ANKFY1: variants seen among roughly 807,000 people sequenced by gnomAD.
ANKFY1 encodes the protein ankyrin repeat and FYVE domain containing 1.
Under a neutral mutation model 128.3 loss-of-function variants are expected in ANKFY1, and 47 were observed. The ratio of observed to expected loss-of-function variants is 0.37; its 90% CI spans 0.29 to 0.47. The LOEUF is 0.47. Among genes scored for constraint, ANKFY1 ranks in the 20% least tolerant of loss-of-function variants. The pLI, the probability that ANKFY1 is intolerant of heterozygous loss-of-function variation, is 1.00. For synonymous variants in ANKFY1, 553 were observed against 601.6 expected (o/e 0.92, Z 1.18); for missense variants, 1,222 against 1,510.6 (o/e 0.81, Z 3.17).
In ANKFY1 at chr17:4,169,232, C is replaced by T; in HGVS notation, c.3343G>A (p.Ala1115Thr). The T allele has an allele frequency of 6.4e-7, 1 of 1,552,980 alleles. No homozygotes were observed. Among genetic ancestry groups the T allele is most frequent in the South Asian group, 1.2e-5 (1 of 84,146 alleles). ...CDGSYCYECT[A>T]RFGVTTRKHH... ...TTGCGAGTGGTGACTCCGAACCTGG[C>T]AGTGCACTCATAGCAGTAGGAGCCG... The change falls in exon 24 of 25, where the codon GCC becomes ACC. Residue 1115 changes from alanine to threonine, a missense_variant. Coordinates refer to ENST00000341657, the MANE Select transcript of ANKFY1 (RefSeq NM_001330063.2). This position sits in a 1 kb window ranked among gnomAD's most constrained non-coding sequence, Gnocchi z 5.0.
At chr17:4,189,074 G>A (rs79969075) in intron 11 of ANKFY1, among the ~76,000 whole-genome samples, 7,815 of 152,142 alleles carry the variant, frequency 0.051, 427 homozygotes, top group African/African-American at 0.14. Flanking sequence ...AAATGCTATC[G>A]CGGTAGGTTT....
At chr17:4,198,483 T>C (rs1306267401) in intron 7 of ANKFY1, among the ~76,000 whole-genome samples, 2 of 151,958 alleles carry the variant, frequency 1.3e-5, no homozygotes, top group African/African-American at 4.8e-5. Context: ...GCAATTCTCA[T>C]GTCTCAGCCT....
chr17:4,259,191 C>T (rs1231477924), intron 1 of ANKFY1, among the ~76,000 whole-genome samples: 1 of 152,218 alleles, frequency 6.6e-6, no homozygotes, highest in Admixed American at 6.5e-5. Context: ...CTGAGACTGA[C>T]AGCAATTAAT....
intron 3 of ANKFY1, among the ~76,000 whole-genome samples, chr17:4,224,214 GTTTTTTTTTTTTTTTTTT>G (rs33995900): frequency 4.5e-5 from 3 of 66,722 alleles, no homozygotes; most frequent in East Asian, 1.1e-3. Flanking sequence ...CACCTTTGAA[GTTTTTTTTTTTTTTTTTT>G]TTTTTTTTTT....
At chr17:4,261,547 C>T (rs1968417200) in intron 1 of ANKFY1, among the ~76,000 whole-genome samples, 1 of 152,240 alleles carries the variant, frequency 6.6e-6, no homozygotes, top group African/African-American at 2.4e-5. Context: ...ACCTAGCTAT[C>T]CCCCTGCTAA....
chr17:4,231,811 C>A (rs1017235241), intron 3 of ANKFY1, among the ~76,000 whole-genome samples: 4 of 151,774 alleles, frequency 2.6e-5, no homozygotes, highest in Non-Finnish European at 5.9e-5. Flanking sequence ...GTAGCACACA[C>A]CTGTGGTCCC....
intron 4 of ANKFY1, among the ~76,000 whole-genome samples, chr17:4,213,355 A>G (rs935844348): frequency 6.6e-6 from 1 of 151,454 alleles, no homozygotes; most frequent in Admixed American, 6.6e-5. Flanking sequence ...ACGACCGGCT[A>G]ATTTTTGTAT....
rs112103771 is a variant in ANKFY1, at chr17:4,166,962, C to T, written c.*817G>A. On this transcript the variant is annotated 3_prime_UTR_variant, in exon 25 of 25. Transcript: ENST00000341657. ...ATATGGATTTTTAAATTGGAATCAC[C>T]GACAATGCAGCTCTATAAAAAGTGC... The T allele has an allele frequency of 7.6e-3, 1,163 of 152,658 alleles. 18 individuals are homozygous for T. The highest frequency in any genetic ancestry group is 0.026 in the African/African-American group (1,065 of 41,538). 9.5% of individuals were successfully genotyped at this position (152,658 alleles called of 1,614,324 possible).
At chr17:4,210,666 C>T (rs1413823768) in intron 4 of ANKFY1, among the ~76,000 whole-genome samples, 1 of 113,020 alleles carries the variant, frequency 8.8e-6, no homozygotes, top group African/African-American at 3.2e-5. Flanking sequence ...TGAGATCGTG[C>T]CATTGCACTC....
chr17:4,217,541 C>T (rs1448629139), intron 3 of ANKFY1, among the ~76,000 whole-genome samples: 2 of 151,770 alleles, frequency 1.3e-5, no homozygotes, highest in Non-Finnish European at 2.9e-5. Context: ...AGGGAGACTC[C>T]GTCTCAAAAA....
intron 18 of ANKFY1, among the ~76,000 whole-genome samples, chr17:4,177,572 C>G (rs1317764122): frequency 1.3e-5 from 2 of 152,158 alleles, no homozygotes; most frequent in African/African-American, 4.8e-5. Context: ...GTAGTAGGAA[C>G]TGGATGTGGA....
intron 5 of ANKFY1, among the ~76,000 whole-genome samples, chr17:4,209,081 C>A (rs943799135): frequency 2.0e-5 from 3 of 151,858 alleles, no homozygotes; most frequent in African/African-American, 7.3e-5. Flanking sequence ...AATGTAAACA[C>A]TGTTCTTTAT....
intron 1 of ANKFY1, among the ~76,000 whole-genome samples, chr17:4,252,747 T>C (rs1967905419): frequency 6.6e-6 from 1 of 152,192 alleles, no homozygotes; most frequent in Non-Finnish European, 1.5e-5. Flanking sequence ...GAATTCTATT[T>C]AAATGTTCAA....
At chr17:4,254,966 C>T (rs1968038207) in intron 1 of ANKFY1, among the ~76,000 whole-genome samples, 1 of 152,120 alleles carries the variant, frequency 6.6e-6, no homozygotes, top group African/African-American at 2.4e-5. Context: ...GATTTGTGGT[C>T]TTAAGCCAGA....
intron 22 of ANKFY1, among the ~76,000 whole-genome samples, chr17:4,171,287 G>A (rs992644278): frequency 6.6e-6 from 1 of 152,318 alleles, no homozygotes; most frequent in Admixed American, 6.5e-5. Flanking sequence ...CCTACGAGTT[G>A]TGTACACATG....
intron 21 of ANKFY1, 49 bp downstream of exon 21, chr17:4,173,305 G>A: frequency 3.8e-6 from 6 of 1,574,588 alleles, no homozygotes; most frequent in Non-Finnish European, 4.4e-6. Flanking sequence ...CAGCAGCTCT[G>A]AGCAGCAGGC....
intron 24 of ANKFY1, 174 bp from the exon 25 acceptor site, chr17:4,168,085 G>A: frequency 8.9e-6 from 5 of 563,540 alleles, no homozygotes; most frequent in South Asian, 2.9e-5. Context: ...TTTAGTCTAT[G>A]AAAACAAAAC....
intron 11 of ANKFY1, among the ~76,000 whole-genome samples, chr17:4,185,950 A>G (rs1185902889): frequency 6.6e-6 from 1 of 152,010 alleles, no homozygotes; most frequent in Non-Finnish European, 1.5e-5. Flanking sequence ...TCTCATCTTG[A>G]GCTCTGATCA....
intron 3 of ANKFY1, among the ~76,000 whole-genome samples, chr17:4,225,753 G>GTA (rs1488801272): frequency 2.0e-5 from 3 of 151,964 alleles, no homozygotes; most frequent in Non-Finnish European, 2.9e-5. Context: ...CGGTGTGTGT[G>GTA]TATATATATA....
Sources: allele counts gnomAD v4.1 joint callset (sites outside exome capture counted in the v4.1 genomes callset), GRCh38; gene constraint gnomAD v4.1.1; non-coding constraint Gnocchi (gnomAD v3.1); transcripts MANE v1.5; gene names NCBI Gene and HGNC (gene_info 2026-07-23, HGNC 2026-07-21).